Variants in CNBD1 observed in about 807,000 individuals in gnomAD.
CNBD1 encodes cyclic nucleotide binding domain containing 1, also known as cyclic nucleotide-binding domain-containing protein 1.
In CNBD1, 71 loss-of-function variants were observed where a neutral mutation model predicts 54.4. The ratio of observed to expected loss-of-function variants is 1.30; its 90% CI spans 1.08 to 1.59. CNBD1 has a LOEUF of 1.59. Ranked by LOEUF, CNBD1 falls within the 40% of genes most tolerant of loss-of-function variation. The probability of loss-of-function intolerance (pLI) is 0.00; values close to 1 mark genes in which losing one functional copy is unlikely to be tolerated. For synonymous variants in CNBD1, 182 were observed against 170.7 expected (o/e 1.07, Z -0.51); for missense variants, 659 against 518.0 (o/e 1.27, Z -2.64).
At chr8:86,943,824 G>C (rs77842398) in intron 4 of CNBD1, among the ~76,000 whole-genome samples, 3 of 151,990 alleles carry the variant, frequency 2.0e-5, no homozygotes, top group Admixed American at 6.6e-5. Context: ...AAAAGGGAAG[G>C]GGGGACAGAT....
intron 4 of CNBD1, among the ~76,000 whole-genome samples, chr8:87,201,318 GA>G (rs1813857334): frequency 6.6e-6 from 1 of 152,088 alleles, no homozygotes; most frequent in Non-Finnish European, 1.5e-5. Context: ...TGAATAGCAG[GA>G]AAATACAAAG....
At chr8:87,070,808 C>G (rs969275911) in intron 4 of CNBD1, among the ~76,000 whole-genome samples, 2 of 151,862 alleles carry the variant, frequency 1.3e-5, no homozygotes, top group Admixed American at 1.3e-4. Context: ...TACTATGTAC[C>G]CCTAGGCACC....
chr8:86,896,261 A>G (rs905402328), intron 2 of CNBD1, among the ~76,000 whole-genome samples: 3 of 152,100 alleles, frequency 2.0e-5, no homozygotes, highest in Admixed American at 1.3e-4. Flanking sequence ...TTGGTATATA[A>G]TAACTGTACA....
chr8:87,057,210 T>C (rs1458189054), intron 4 of CNBD1, among the ~76,000 whole-genome samples: 3 of 152,270 alleles, frequency 2.0e-5, no homozygotes, highest in East Asian at 1.9e-4. Context: ...AGAGGTTTAA[T>C]TGACTCACTT....
rs148923370 is a variant in CNBD1 at position 87,309,267 on chromosome 8, A to C, written c.1042+22596A>C. Among the ~76,000 whole-genome samples the C allele has an allele frequency of 2.6e-3, 395 of 152,214 alleles. 3 individuals carry two copies. The highest frequency in any genetic ancestry group is 9.0e-3 in the African/African-American group (372 of 41,548). The stretch of plus-strand genomic sequence containing the variant: ...CATTTGTTAATTGTCTTTTTGTAAT[A>C]GCCATTAAAACTAGGATAATATAAT... On this transcript the variant is annotated intron_variant, in intron 8 of 10. Transcript: ENST00000518476.
chr8:87,051,398 GGA>G (rs1173194397), intron 4 of CNBD1, among the ~76,000 whole-genome samples: 1 of 152,056 alleles, frequency 6.6e-6, no homozygotes, highest in Non-Finnish European at 1.5e-5. Context: ...GCTCGGCTGG[GGA>G]GACCCTAACC....
At chr8:87,183,385 G>GTTTTTTTTTTTTTTTTTTTTTCTTTTTT (rs3056356) in intron 4 of CNBD1, among the ~76,000 whole-genome samples, 1 of 118,430 alleles carries the variant, frequency 8.4e-6, no homozygotes, top group Non-Finnish European at 1.7e-5. Flanking sequence ...TGCGCTGTTT[G>GTTTTTTTTTTTTTTTTTTTTTCTTTTTT]TTTTTTTTTT....
At chr8:87,081,505 G>T (rs1284000188) in intron 4 of CNBD1, among the ~76,000 whole-genome samples, 16 of 140,334 alleles carry the variant, frequency 1.1e-4, no homozygotes, top group African/African-American at 1.8e-4. Context: ...TGTTTTTTTT[G>T]TTTTTGTTTT....
At chr8:87,236,322 GTTTAAC>G (rs776555403) in intron 5 of CNBD1, among the ~76,000 whole-genome samples, 5 of 152,046 alleles carry the variant, frequency 3.3e-5, no homozygotes, top group Non-Finnish European at 7.4e-5. Flanking sequence ...CAGGCACACA[GTTTAAC>G]TTTAGGAATT....
intron 2 of CNBD1, among the ~76,000 whole-genome samples, chr8:86,900,633 A>G (rs1808917965): frequency 6.6e-6 from 1 of 152,154 alleles, no homozygotes; most frequent in Non-Finnish European, 1.5e-5. Context: ...TATTATTTCT[A>G]GCTACTATAA....
At position 87,175,730 on chromosome 8, in the gene CNBD1, T is replaced by G. The variant is rs561494808; in HGVS notation, c.432-30263T>G. ...TGTGCATGCACTCTTTTAGCTGCCT[T>G]CTGGGTGTCTCAGTTATTGCCTGCC... is the stretch of plus-strand genomic sequence containing the variant. On this transcript the variant is annotated intron_variant, in intron 4 of 10. Coordinates refer to ENST00000518476, the MANE Select transcript of CNBD1 (RefSeq NM_173538.3). Among the ~76,000 whole-genome samples the G allele has an allele frequency of 7.2e-5, 11 of 152,344 alleles. No individual in the cohort carries two copies. In the South Asian group the frequency reaches 2.3e-3, roughly 32 times the overall value.
intron 10 of CNBD1, among the ~76,000 whole-genome samples, chr8:87,382,171 A>G (rs1402194757): frequency 6.6e-6 from 1 of 152,096 alleles, no homozygotes; most frequent in Non-Finnish European, 1.5e-5. Flanking sequence ...CAAAATGTTC[A>G]TGGAATTTAA....
At chr8:87,386,651 G>T (rs188186804), downstream of CNBD1, among the ~76,000 whole-genome samples, 6 of 152,292 alleles carry the variant, frequency 3.9e-5, no homozygotes, top group African/African-American at 1.4e-4. Flanking sequence ...TGAAAGTGAT[G>T]GGGAGAATGG....
intron 3 of CNBD1, among the ~76,000 whole-genome samples, chr8:86,906,485 T>TA (rs141796264): frequency 0.43 from 64,919 of 151,864 alleles, 14,494 homozygotes; most frequent in African/African-American, 0.56. Flanking sequence ...CATCCCTAGA[T>TA]GTACATACAT....
intron 2 of CNBD1, among the ~76,000 whole-genome samples, chr8:87,400,550 G>C (rs1241904517): frequency 1.3e-5 from 2 of 151,976 alleles, no homozygotes; most frequent in Non-Finnish European, 2.9e-5. Flanking sequence ...AATTTTTCAA[G>C]ATAGACCCAA....
chr8:87,173,036 T>C (rs1376461907), intron 4 of CNBD1, among the ~76,000 whole-genome samples: 1 of 152,160 alleles, frequency 6.6e-6, no homozygotes, highest in African/African-American at 2.4e-5. Flanking sequence ...TGTGTATTTG[T>C]TGTATATTTT....
chr8:87,337,531 G>A (rs1219318732), intron 8 of CNBD1, among the ~76,000 whole-genome samples: 2 of 152,232 alleles, frequency 1.3e-5, no homozygotes, highest in Admixed American at 6.5e-5. Flanking sequence ...CCTGGCTTAG[G>A]CCAATTCTAG....
At chr8:87,266,562 C>T (rs1808263716) in intron 6 of CNBD1, among the ~76,000 whole-genome samples, 1 of 141,958 alleles carries the variant, frequency 7.0e-6, no homozygotes, top group Non-Finnish European at 1.5e-5. Flanking sequence ...ATGGATTCTC[C>T]TGCTTCAGCC....
intron 4 of CNBD1, among the ~76,000 whole-genome samples, chr8:87,112,259 A>G (rs1811678885): frequency 6.6e-6 from 1 of 152,168 alleles, no homozygotes; most frequent in African/African-American, 2.4e-5. Context: ...CATCATTGCC[A>G]GGGCGTTCAA....
Sources: allele counts gnomAD v4.1 joint callset (sites outside exome capture counted in the v4.1 genomes callset), GRCh38; gene constraint gnomAD v4.1.1; transcripts MANE v1.5; gene names NCBI Gene and HGNC (gene_info 2026-07-23, HGNC 2026-07-21).